Variants in PLCE1 observed in about 807,000 individuals in gnomAD.
PLCE1 encodes the protein phospholipase C epsilon 1, also known as 1-phosphatidylinositol 4,5-bisphosphate phosphodiesterase epsilon-1.
In PLCE1, 119 loss-of-function variants were observed where a neutral mutation model predicts 242.8. That is an observed-to-expected ratio of 0.49 (90% CI 0.42 to 0.57). The LOEUF is 0.57. Ranked by LOEUF, PLCE1 falls within the 20% of genes least tolerant of loss-of-function variation. PLCE1 has a pLI of 0.00. For missense variants in PLCE1, 2,441 were observed against 2,788.8 expected, an observed-to-expected ratio of 0.88 and a Z score of 2.81; for synonymous variants, 945 against 1,017.4, an observed-to-expected ratio of 0.93 and a Z score of 1.35.
At chr10:94,119,578 C>T (rs756153421) in intron 2 of PLCE1, among the ~76,000 whole-genome samples, 4 of 152,146 alleles carry the variant, frequency 2.6e-5, no homozygotes. Flanking sequence ...CTTACCCTTC[C>T]TCAACCTTGC....
chr10:94,209,078 A>T (rs1256115542), intron 4 of PLCE1, among the ~76,000 whole-genome samples: 2 of 152,358 alleles, frequency 1.3e-5, no homozygotes, highest in Non-Finnish European at 2.9e-5. Flanking sequence ...CTTGTTTGGC[A>T]TAGAGTTTAA....
chr10:94,217,316 G>A (rs773475126), intron 4 of PLCE1, among the ~76,000 whole-genome samples: 1 of 152,024 alleles, frequency 6.6e-6, no homozygotes, highest in African/African-American at 2.4e-5. Context: ...ATGCAAAGAG[G>A]AAAAGAAATT....
At chr10:94,116,713 T>A (rs547005268) in intron 2 of PLCE1, among the ~76,000 whole-genome samples, 94 of 152,194 alleles carry the variant, frequency 6.2e-4, no homozygotes, top group Middle Eastern at 3.4e-3. Flanking sequence ...AAATTTTTTT[T>A]AAGAATATTT....
intron 2 of PLCE1, among the ~76,000 whole-genome samples, chr10:94,118,291 G>T (rs569889901): frequency 6.6e-6 from 1 of 151,904 alleles, no homozygotes; most frequent in African/African-American, 2.4e-5. Flanking sequence ...CTGACTATAG[G>T]GTAGGCCCAG....
At chr10:94,174,761 G>GA (rs1312260430) in intron 4 of PLCE1, among the ~76,000 whole-genome samples, 2 of 152,130 alleles carry the variant, frequency 1.3e-5, no homozygotes, top group Non-Finnish European at 2.9e-5. Flanking sequence ...TAAAAGGTAA[G>GA]AAAAAATTGA....
chr10:94,022,016 G>A (rs1306014632), intron 1 of PLCE1, among the ~76,000 whole-genome samples: 2 of 151,968 alleles, frequency 1.3e-5, no homozygotes, highest in African/African-American at 4.8e-5. Flanking sequence ...TATGCTCTTA[G>A]TACTTAGCAT....
At chr10:93,996,113 ACG>A (rs1491164921) in intron 1 of PLCE1, among the ~76,000 whole-genome samples, 2 of 64,818 alleles carry the variant, frequency 3.1e-5, no homozygotes, top group Non-Finnish European at 6.2e-5. Context: ...GGCTTGCTGC[ACG>A]TGTGTGTGTG....
chr10:94,100,472 G>A (rs1371911873), intron 2 of PLCE1: 1 of 152,148 alleles, frequency 6.6e-6, no homozygotes, highest in African/African-American at 2.4e-5. Flanking sequence ...CATCTAGGCT[G>A]GTTACTTGCT....
intron 2 of PLCE1, among the ~76,000 whole-genome samples, chr10:94,078,406 C>G (rs1337498186): frequency 6.6e-6 from 1 of 152,142 alleles, no homozygotes; most frequent in Non-Finnish European, 1.5e-5. Context: ...TGCATGTTTT[C>G]AGGTCGCAAT....
intron 4 of PLCE1, among the ~76,000 whole-genome samples, chr10:94,217,922 A>C (rs1321326353): frequency 6.6e-6 from 1 of 152,028 alleles, no homozygotes; most frequent in Non-Finnish European, 1.5e-5. Context: ...TAATTGCAAG[A>C]CAGAGTATGC....
At chr10:94,047,905 G>C (rs1401901575) in intron 2 of PLCE1, among the ~76,000 whole-genome samples, 1 of 151,940 alleles carries the variant, frequency 6.6e-6, no homozygotes, top group African/African-American at 2.4e-5. Context: ...CTTAAGAACT[G>C]TATATTTTAA....
chr10:94,018,055 C>A (rs1367749155), intron 1 of PLCE1, among the ~76,000 whole-genome samples: 1 of 152,122 alleles, frequency 6.6e-6, no homozygotes, highest in Admixed American at 6.5e-5. Context: ...CTTTTGAAGA[C>A]AATTACCTTA....
At position 94,279,877 on chromosome 10, in the gene PLCE1, C is replaced by A; in HGVS notation, c.4761C>A (p.Asp1587Glu). 6.2e-7 allele frequency: 1 copy of A among 1,613,460 alleles called. No individual in the cohort carries two copies. Among genetic ancestry groups the A allele is most frequent in the Non-Finnish European group, 8.5e-7 (1 of 1,179,562 alleles). The change falls in exon 20 of 33, where the codon GAC becomes GAA. Residue 1587 changes from aspartate to glutamate, a missense_variant. Coordinates refer to ENST00000371380, the MANE Select transcript of PLCE1 (RefSeq NM_016341.4). ...ANNEEEEDEE[D>E]EYDYDYESLS... is the part of the protein sequence containing the mutation. The stretch of plus-strand genomic sequence containing the variant: ...ATGAGGAAGAGGAAGATGAGGAGGA[C>A]GAATATGATTATGACTATGAATCCC...
intron 4 of PLCE1, among the ~76,000 whole-genome samples, chr10:94,199,483 A>C (rs984629898): frequency 6.6e-6 from 1 of 152,246 alleles, no homozygotes; most frequent in Admixed American, 6.5e-5. Flanking sequence ...TGAACCATAA[A>C]GTGCTATACC....
At chr10:94,037,839 C>G (rs1198183406) in intron 2 of PLCE1, among the ~76,000 whole-genome samples, 1 of 152,182 alleles carries the variant, frequency 6.6e-6, no homozygotes, top group African/African-American at 2.4e-5. Context: ...AATGAAAAAC[C>G]TTGACTCTGG....
At chr10:94,218,936 TTA>T (rs1418099072) in intron 4 of PLCE1, among the ~76,000 whole-genome samples, 1 of 147,146 alleles carries the variant, frequency 6.8e-6, no homozygotes, top group Non-Finnish European at 1.5e-5. Context: ...TTAATTATAA[TTA>T]TATTATTATA....
chr10:94,037,377 T>A (rs1398596197), intron 2 of PLCE1, among the ~76,000 whole-genome samples: 1 of 152,224 alleles, frequency 6.6e-6, no homozygotes, highest in Non-Finnish European at 1.5e-5. Flanking sequence ...TGAGCCCCAC[T>A]GTTCAATGTT....
intron 2 of PLCE1, among the ~76,000 whole-genome samples, chr10:94,051,286 CAAAAA>C (rs869233995): frequency 2.7e-4 from 8 of 29,356 alleles, no homozygotes; most frequent in African/African-American, 7.3e-4. Context: ...GACTCCAACT[CAAAAA>C]AAAAAAAAAA....
At chr10:94,190,421 A>G (rs974575543) in intron 4 of PLCE1, among the ~76,000 whole-genome samples, 9 of 152,188 alleles carry the variant, frequency 5.9e-5, no homozygotes, top group Non-Finnish European at 1.3e-4. Flanking sequence ...CCAGCCTGGG[A>G]AAAACAGCAA....
Sources: gnomAD v4.1 joint callset for allele counts (sites outside exome capture counted in the v4.1 genomes callset) on GRCh38, gnomAD v4.1.1 for gene constraint, MANE v1.5 for transcripts, NCBI Gene and HGNC (gene_info 2026-07-23, HGNC 2026-07-21) for gene names.